TNR: variants seen among roughly 807,000 people sequenced by gnomAD.
TNR encodes the protein tenascin-R.
Under a neutral mutation model 150.4 loss-of-function variants are expected in TNR, and 45 were observed. That is an observed-to-expected ratio of 0.30 (90% CI 0.24 to 0.38). The LOEUF (loss-of-function observed/expected upper bound fraction) is 0.38. TNR is among the 10% of genes least tolerant of loss of function. The pLI is 1.00. For missense variants in TNR, 1,544 were observed against 1,759.1 expected (o/e 0.88, Z 2.19); for synonymous variants, 687 against 678.4 (o/e 1.01, Z -0.20).
chr1:175,495,066 C>A (rs1197360521), intron 2 of TNR, among the ~76,000 whole-genome samples: 1 of 152,188 alleles, frequency 6.6e-6, no homozygotes, highest in African/African-American at 2.4e-5. Flanking sequence ...TTCATTCATT[C>A]ATTGCTCACC....
At chr1:175,501,248 C>T (rs1401424670) in intron 2 of TNR, among the ~76,000 whole-genome samples, 1 of 152,148 alleles carries the variant, frequency 6.6e-6, no homozygotes, top group Non-Finnish European at 1.5e-5. Context: ...AGGAAGTAGA[C>T]AGCCAAAATA....
intron 1 of TNR, among the ~76,000 whole-genome samples, chr1:175,683,804 G>C (rs935450395): frequency 5.3e-5 from 8 of 152,222 alleles, no homozygotes; most frequent in African/African-American, 1.9e-4. Flanking sequence ...AATTTAGTGA[G>C]AGAAAATAGA....
intron 1 of TNR, among the ~76,000 whole-genome samples, chr1:175,682,480 T>C (rs915208332): frequency 6.6e-6 from 1 of 151,846 alleles, no homozygotes; most frequent in African/African-American, 2.4e-5. Flanking sequence ...TCTTAAGGAG[T>C]GTGGATTTTT....
At chr1:175,480,946 G>T (rs572137428) in intron 2 of TNR, among the ~76,000 whole-genome samples, 1 of 151,974 alleles carries the variant, frequency 6.6e-6, no homozygotes, top group Non-Finnish European at 1.5e-5. Context: ...TCACCCAAAG[G>T]TTGCCTTTTT....
chr1:175,483,243 G>A (rs1657877828), intron 2 of TNR, among the ~76,000 whole-genome samples: 1 of 152,180 alleles, frequency 6.6e-6, no homozygotes, highest in Admixed American at 6.5e-5. Context: ...TATGAGAGAG[G>A]TGCAGTGAGG....
chr1:175,331,496 C>T (rs918967083), intron 20 of TNR, among the ~76,000 whole-genome samples: 2 of 152,086 alleles, frequency 1.3e-5, no homozygotes, highest in African/African-American at 2.4e-5. Context: ...ATCTCCTGAC[C>T]TCGTGATCTG....
intron 15 of TNR, 62 bp from the exon 16 acceptor site, chr1:175,356,524 C>T (rs918539318): frequency 6.3e-7 from 1 of 1,587,278 alleles, no homozygotes; most frequent in Non-Finnish European, 8.6e-7. Flanking sequence ...AAAGATCTAC[C>T]AAATCCAAAG....
At chr1:175,721,946 C>A (rs1416618562) in intron 1 of TNR, among the ~76,000 whole-genome samples, 1 of 151,084 alleles carries the variant, frequency 6.6e-6, no homozygotes, top group Admixed American at 6.6e-5. Context: ...TATTTTTAAA[C>A]CCAATCATGA....
intron 1 of TNR, among the ~76,000 whole-genome samples, chr1:175,600,108 C>A (rs2101846045): frequency 6.6e-6 from 1 of 152,272 alleles, no homozygotes; most frequent in South Asian, 2.1e-4. Flanking sequence ...CCAGTTTTAC[C>A]ACTTGTATTA....
chr1:175,374,725 A>C (rs1360991345), intron 9 of TNR, among the ~76,000 whole-genome samples: 1 of 152,072 alleles, frequency 6.6e-6, no homozygotes, highest in African/African-American at 2.4e-5. Context: ...GTGCAGGGAG[A>C]GGCAGCAGGT....
At chr1:175,613,803 T>C (rs985959155) in intron 1 of TNR, among the ~76,000 whole-genome samples, 4 of 152,204 alleles carry the variant, frequency 2.6e-5, no homozygotes, top group Non-Finnish European at 5.9e-5. Context: ...ATATCCAGTC[T>C]ACATCAAATC....
At chr1:175,353,539 C>G (rs1264206062) in intron 18 of TNR, among the ~76,000 whole-genome samples, 2 of 152,224 alleles carry the variant, frequency 1.3e-5, no homozygotes, top group African/African-American at 4.8e-5. Context: ...CAAGGTCTGA[C>G]TCAGCTATTT....
intron 2 of TNR, among the ~76,000 whole-genome samples, chr1:175,449,295 C>T (rs1212378392): frequency 6.6e-6 from 1 of 152,224 alleles, no homozygotes; most frequent in East Asian, 1.9e-4. Context: ...TGCATGTGCA[C>T]ACACAGATGC....
At chr1:175,330,320 C>A in intron 20 of TNR, 85 bp from the exon 21 acceptor site, 1 of 1,406,608 alleles carries the variant, frequency 7.1e-7, no homozygotes, top group Non-Finnish European at 9.5e-7. Flanking sequence ...GGCTTCAAAA[C>A]ATGTTACAGG....
At chr1:175,396,412 G>T in intron 5 of TNR, 132 bp downstream of exon 5, 1 of 1,183,760 alleles carries the variant, frequency 8.4e-7, no homozygotes, top group Non-Finnish European at 1.2e-6. Context: ...CACATCTCTA[G>T]CCCTTCCCCT....
At chr1:175,536,655 A>T (rs1660300971) in intron 1 of TNR, among the ~76,000 whole-genome samples, 1 of 152,158 alleles carries the variant, frequency 6.6e-6, no homozygotes, top group African/African-American at 2.4e-5. Flanking sequence ...CGGGTTATCC[A>T]CTGATGCCTG....
chr1:175,652,165 A>T (rs1392833387), intron 1 of TNR, among the ~76,000 whole-genome samples: 1 of 147,896 alleles, frequency 6.8e-6, no homozygotes, highest in East Asian at 1.9e-4. Context: ...TATTATGTAT[A>T]TAATAATATA....
chr1:175,621,108 G>C (rs1663961254), intron 1 of TNR, among the ~76,000 whole-genome samples: 2 of 152,182 alleles, frequency 1.3e-5, no homozygotes, highest in African/African-American at 4.8e-5. Context: ...TTAACTGCAG[G>C]AGGGTGGAGA....
At chr1:175,383,274 C>T (rs1055287522) in intron 8 of TNR, among the ~76,000 whole-genome samples, 63 of 152,198 alleles carry the variant, frequency 4.1e-4, no homozygotes, top group African/African-American at 1.5e-3. Flanking sequence ...ACTTCAACGT[C>T]TTTTTAAGGA....
Sources: gnomAD v4.1 joint callset for allele counts (sites outside exome capture counted in the v4.1 genomes callset) on GRCh38, gnomAD v4.1.1 for gene constraint, MANE v1.5 for transcripts, NCBI Gene and HGNC (gene_info 2026-07-23, HGNC 2026-07-21) for gene names.